The following SEZ6 variants were observed in gnomAD, a reference collection of about 807,000 sequenced individuals.
SEZ6 encodes the protein seizure protein 6 homolog.
Under a neutral mutation model 101.0 loss-of-function variants are expected in SEZ6, and 53 were observed. That is an observed-to-expected ratio of 0.52 (90% CI 0.42 to 0.66). The LOEUF (loss-of-function observed/expected upper bound fraction) is 0.66. Ranked by LOEUF, SEZ6 falls within the 30% of genes least tolerant of loss-of-function variation. SEZ6 has a pLI of 0.00. For missense variants in SEZ6, 1,102 were observed against 1,289.4 expected, an observed-to-expected ratio of 0.85 and a Z score of 2.23; for synonymous variants, 488 against 512.2, an observed-to-expected ratio of 0.95 and a Z score of 0.64.
chr17:28,957,934 C>CA lies in SEZ6; in HGVS notation c.2302+12dup. ...GTGTTGGGAAGGGGAGCGTGGGGAA[C>CA]AGGTATACTCACCCCTCTGGCATGA... On this transcript the variant is annotated intron_variant, in intron 11 of 16. Coordinates refer to ENST00000317338, the MANE Select transcript of SEZ6 (RefSeq NM_178860.5). 1 of 1,606,124 alleles carries CA rather than the reference C, an allele frequency of 6.2e-7. No individual in the cohort carries two copies. The highest frequency in any genetic ancestry group is 1.1e-5 in the South Asian group (1 of 90,884).
At chr17:28,990,859 A>C (rs2041447223) in intron 1 of SEZ6, among the ~76,000 whole-genome samples, 1 of 152,184 alleles carries the variant, frequency 6.6e-6, no homozygotes, top group Non-Finnish European at 1.5e-5. Context: ...ATATTCAGGG[A>C]GGCTGATTTG....
chr17:28,995,207 T>A (rs1182238294), intron 1 of SEZ6, among the ~76,000 whole-genome samples: 1 of 152,178 alleles, frequency 6.6e-6, no homozygotes, highest in African/African-American at 2.4e-5. Flanking sequence ...TGCTGGAGCC[T>A]GTCACCTCAT....
At chr17:28,969,361 G>A (rs2041116640) in intron 4 of SEZ6, among the ~76,000 whole-genome samples, 1 of 152,214 alleles carries the variant, frequency 6.6e-6, no homozygotes, top group South Asian at 2.1e-4. Context: ...GCCTGTTTAA[G>A]TGTCTGCCTC....
chr17:28,959,597 C>T lies in SEZ6; in HGVS notation c.1771+101G>A. The T allele has an allele frequency of 6.5e-7, 1 of 1,537,472 alleles. No individual in the cohort carries two copies. Among genetic ancestry groups the T allele is most frequent in the Non-Finnish European group, 8.7e-7 (1 of 1,143,144 alleles). ...CCTCCTCCTTGGAGGAAGCCTGAAC[C>T]ACGCATATCACAGGGCCCCTGTGGC... On this transcript the variant is annotated intron_variant, in intron 8 of 16. Coordinates refer to ENST00000317338, the MANE Select transcript of SEZ6 (RefSeq NM_178860.5). The surrounding 1 kb of genome is among the most constrained non-coding windows in gnomAD (Gnocchi z 4.4).
chr17:28,966,853 G>A (rs538434603), intron 4 of SEZ6, among the ~76,000 whole-genome samples: 12 of 152,340 alleles, frequency 7.9e-5, no homozygotes, highest in Non-Finnish European at 1.3e-4. Context: ...TACTATGTCT[G>A]TGAAAGTGGG....
At chr17:28,971,151 C>T (rs910149362) in intron 3 of SEZ6, among the ~76,000 whole-genome samples, 2 of 152,210 alleles carry the variant, frequency 1.3e-5, no homozygotes, top group African/African-American at 4.8e-5. Flanking sequence ...AATCTGGGAC[C>T]TCATCCTAAC....
At position 28,959,705 on chromosome 17, in the gene SEZ6, G is replaced by A. The variant is rs754342218; in HGVS notation, c.1764C>T (p.Ala588=). 7.3e-5 allele frequency: 116 copies of A among 1,591,896 alleles called. No homozygotes were observed. The highest frequency in any genetic ancestry group is 9.6e-5 in the Non-Finnish European group (112 of 1,167,852). Reference sequence around the variant, plus strand: ...CCACTGGTGTCTACTGACCTCGGCAGGCTGGCTCTGTCTCATTCCACTGGG... The same window carrying A: ...CCACTGGTGTCTACTGACCTCGGCAAGCTGGCTCTGTCTCATTCCACTGGG... ...HDPQWNETEP[A]CRAVCSGEIT... Residue 588 remains alanine, a synonymous_variant, in exon 8 of 17, where the codon GCC becomes GCT. Transcript: ENST00000317338. The surrounding 1 kb of genome is among the most constrained non-coding windows in gnomAD (Gnocchi z 4.4).
In SEZ6 at chr17:28,981,485, C is replaced by T. The variant is rs61738539; in HGVS notation, c.610G>A (p.Ala204Thr). ...ATGGTCCCCTGGATCCCGATCCCTG[C>T]GCCCTGGGACACAACCTCTGCAACC... ...PWVAEVVSQG[A>T]GIGIQGTITS... Residue 204 changes from alanine to threonine, a missense_variant, in exon 2 of 17, where the codon GCA (alanine) becomes ACA (threonine). Ala to Thr is a moderately conservative substitution (Grantham distance 58, BLOSUM62 0). Around this residue, in one of 3 missense-constraint regions of SEZ6, gnomAD observed 406 missense variants for 418.6 expected, o/e 0.97. Transcript: ENST00000317338. 2,163 of 1,593,672 alleles carry T rather than the reference C, an allele frequency of 1.4e-3. 25 individuals are homozygous for T. The African/African-American group carries it at 0.026, about 19-fold the overall frequency.
rs1045565261 is a variant in SEZ6 at position 29,003,443 on chromosome 17, C to T, written c.55+2372G>A. On this transcript the variant is annotated intron_variant, in intron 1 of 16. Coordinates refer to ENST00000317338, the MANE Select transcript of SEZ6 (RefSeq NM_178860.5). ...ACCAGGCCTTCCAAGGCATCTGGGC[C>T]GTGCCTGGCTACATCCTGCAGTCTG... Among the ~76,000 whole-genome samples, 4 of 152,376 alleles carry T rather than the reference C, an allele frequency of 2.6e-5. No homozygotes were observed. The East Asian group carries it at 5.8e-4, about 22-fold the overall frequency.
chr17:28,985,368 C>A (rs2041365761), intron 1 of SEZ6, among the ~76,000 whole-genome samples: 2 of 152,194 alleles, frequency 1.3e-5, no homozygotes, highest in African/African-American at 4.8e-5. Flanking sequence ...CCACCCTGTG[C>A]CTGAAGCACA....
At chr17:28,979,943 T>C (rs2041275450) in intron 2 of SEZ6, 130 bp from the exon 3 acceptor site, 2 of 1,043,442 alleles carry the variant, frequency 1.9e-6, no homozygotes. Flanking sequence ...CCACCTCTTG[T>C]GATGTCTAGT....
At position 28,957,487 on chromosome 17, in the gene SEZ6, G is replaced by A. The variant is rs2040902326; in HGVS notation, c.2355C>T (p.Ser785=). Reference sequence around the variant, plus strand: ...TGGCCCCCACGGGAAACTTGGGGCTGGATATGAGGCGTCGGCTGTGCTCCA... The same window carrying A: ...TGGCCCCCACGGGAAACTTGGGGCTAGATATGAGGCGTCGGCTGTGCTCCA... ...GDVEHSRRLI[S]SPKFPVGATV... The change falls in exon 12 of 17, where the codon TCC becomes TCT. Residue 785 remains serine, a synonymous_variant. Coordinates refer to ENST00000317338, the MANE Select transcript of SEZ6 (RefSeq NM_178860.5). 1.2e-6 allele frequency: 2 copies of A among 1,613,966 alleles called. No individual in the cohort carries two copies. The highest frequency in any genetic ancestry group is 1.7e-6 in the Non-Finnish European group (2 of 1,179,880).
intron 11 of SEZ6, 195 bp downstream of exon 11, chr17:28,957,752 G>T: frequency 1.2e-6 from 1 of 846,844 alleles, no homozygotes; most frequent in Non-Finnish European, 1.8e-6. Context: ...TACCAGGAAT[G>T]AAATACTTAG....
At chr17:28,994,114 C>A (rs1471061435) in intron 1 of SEZ6, among the ~76,000 whole-genome samples, 1 of 152,200 alleles carries the variant, frequency 6.6e-6, no homozygotes, top group Admixed American at 6.5e-5. Flanking sequence ...AAGTCCCTAG[C>A]ATGTCTGTTC....
chr17:28,960,209 T>C, intron 7 of SEZ6: 1 of 576,006 alleles, frequency 1.7e-6, no homozygotes, highest in Non-Finnish European at 3.1e-6. Flanking sequence ...AGAATGTCTC[T>C]TACAGCAATT....
chr17:28,962,411 C>T (rs1405989554), intron 5 of SEZ6, among the ~76,000 whole-genome samples: 1 of 152,184 alleles, frequency 6.6e-6, no homozygotes, highest in Non-Finnish European at 1.5e-5. Flanking sequence ...CCGCTAGATC[C>T]TCGAGGGCTG....
chr17:29,004,327 C>T (rs929983883), intron 1 of SEZ6, among the ~76,000 whole-genome samples: 1 of 152,194 alleles, frequency 6.6e-6, no homozygotes, highest in Non-Finnish European at 1.5e-5. Flanking sequence ...CTAGGGACAT[C>T]CCCAGGCAGC....
chr17:28,970,746 G>T (rs1403714723), intron 3 of SEZ6, among the ~76,000 whole-genome samples: 1 of 152,194 alleles, frequency 6.6e-6, no homozygotes, highest in Admixed American at 6.5e-5. Context: ...TCTTAGATCT[G>T]TTGCTGATCA....
rs1305179282 is a variant in SEZ6 at position 28,981,384 on chromosome 17, TGTGGTGATGGTG to T, written c.699_710del (p.Thr234_Thr237del). On this transcript the variant is annotated inframe_deletion, in exon 2 of 17. Transcript: ENST00000317338. Reference sequence around the variant, plus strand: ...CAGGTAGCTGACCTGGTGTCTGGACTGTGGTGATGGTGGTGGTGATGATGGTGGTGGTAGTGG... The same window carrying T: ...CAGGTAGCTGACCTGGTGTCTGGACTGTGGTGATGATGGTGGTGGTAGTGG... 13 of 1,549,760 alleles carry T rather than the reference TGTGGTGATGGTG, an allele frequency of 8.4e-6. No individual in the cohort carries two copies. The South Asian group carries it at 1.3e-4, about 16-fold the overall frequency.
Sources: gnomAD v4.1 joint callset for allele counts (sites outside exome capture counted in the v4.1 genomes callset) on GRCh38, gnomAD v4.1.1 for gene constraint, gnomAD v4.1.1 regional missense constraint, Gnocchi (gnomAD v3.1) non-coding constraint, MANE v1.5 for transcripts, NCBI Gene and HGNC (gene_info 2026-07-23, HGNC 2026-07-21) for gene names.